ARMC2: variants seen among roughly 807,000 people sequenced by gnomAD.
The protein encoded by ARMC2 is armadillo repeat containing 2.
ARMC2 carries 67 observed loss-of-function variants against 90.3 expected under a neutral mutation model. The ratio of observed to expected loss-of-function variants is 0.74; its 90% CI spans 0.61 to 0.91. ARMC2 has a LOEUF of 0.91. Ranked by LOEUF, ARMC2 falls within the 40% of genes least tolerant of loss-of-function variation. ARMC2 has a pLI of 0.00. For missense variants in ARMC2, 920 were observed against 1,030.9 expected (o/e 0.89, Z 1.47); for synonymous variants, 393 against 393.0 (o/e 1.00, Z 0.00).
At chr6:108,964,088 C>A in intron 15 of ARMC2, 92 bp from the exon 16 acceptor site, 1 of 1,422,184 alleles carries the variant, frequency 7.0e-7, no homozygotes, top group Non-Finnish European at 9.6e-7. Flanking sequence ...GGTTTGCAAG[C>A]CACTCCCCGT....
chr6:108,926,447 G>T (rs1775107469), intron 10 of ARMC2, among the ~76,000 whole-genome samples: 1 of 152,222 alleles, frequency 6.6e-6, no homozygotes, highest in African/African-American at 2.4e-5. Context: ...ATTCCTGGCT[G>T]GGCGCAGTGG....
intron 11 of ARMC2, among the ~76,000 whole-genome samples, chr6:108,930,231 T>A (rs1019926697): frequency 6.6e-6 from 1 of 152,212 alleles, no homozygotes; most frequent in Non-Finnish European, 1.5e-5. Context: ...TATTTATTTA[T>A]GTATTTTAGC....
chr6:109,045,177 C>A, the ARMC2 span, among the ~76,000 whole-genome samples: 2 of 152,114 alleles, frequency 1.3e-5, no homozygotes, highest in Admixed American at 6.5e-5. Flanking sequence ...TCCTCTGACA[C>A]CCTTACTAAC....
At chr6:109,002,306 C>G in the ARMC2 span, 1 of 1,613,274 alleles carries the variant, frequency 6.2e-7, no homozygotes, top group African/African-American at 1.3e-5. Flanking sequence ...TCTGCTTGGT[C>G]CCTGTCCTAG....
intron 11 of ARMC2, among the ~76,000 whole-genome samples, chr6:108,930,126 TAAAA>T (rs548988083): frequency 1.4e-5 from 2 of 139,026 alleles, no homozygotes; most frequent in African/African-American, 2.6e-5. Flanking sequence ...AGACCCTATC[TAAAA>T]AAAAAAAAAA....
chr6:108,881,393 T>A (rs1245594312), intron 5 of ARMC2, among the ~76,000 whole-genome samples: 5 of 150,592 alleles, frequency 3.3e-5, no homozygotes, highest in African/African-American at 1.2e-4. Context: ...GAACATTGCA[T>A]TCATAAGAAT....
chr6:109,013,140 G>A, the ARMC2 span, among the ~76,000 whole-genome samples: 1 of 151,986 alleles, frequency 6.6e-6, no homozygotes, highest in Admixed American at 6.6e-5. Context: ...GGAGTGTTAA[G>A]CTTCATTAAA....
At chr6:108,886,956 A>G (rs2128449494) in intron 5 of ARMC2, among the ~76,000 whole-genome samples, 1 of 150,760 alleles carries the variant, frequency 6.6e-6, no homozygotes, top group Non-Finnish European at 1.5e-5. Context: ...GCTAGAGTGC[A>G]GTGGTGTGTG....
intron 13 of ARMC2, among the ~76,000 whole-genome samples, chr6:108,957,633 C>A (rs1404883492): frequency 6.6e-6 from 1 of 152,180 alleles, no homozygotes; most frequent in Non-Finnish European, 1.5e-5. Context: ...TCTTTTCTTC[C>A]TACCTCCCTC....
chr6:108,961,460 G>A (rs1179599780), intron 13 of ARMC2, 112 bp from the exon 14 acceptor site: 4 of 1,212,624 alleles, frequency 3.3e-6, no homozygotes, highest in Non-Finnish European at 4.5e-6. Flanking sequence ...GCCTTTGTAG[G>A]GACCCTGCGT....
At chr6:108,992,807 C>A in the ARMC2 span, 1 of 1,612,374 alleles carries the variant, frequency 6.2e-7, no homozygotes, top group Non-Finnish European at 8.5e-7. Context: ...AATGTTGGAA[C>A]ATGCATCCCA....
At chr6:108,886,927 G>T (rs1311122528) in intron 5 of ARMC2, among the ~76,000 whole-genome samples, 1 of 150,404 alleles carries the variant, frequency 6.6e-6, no homozygotes, top group Non-Finnish European at 1.5e-5. Context: ...TTGAGACAGA[G>T]CCTCACTCTG....
the ARMC2 span, among the ~76,000 whole-genome samples, chr6:108,989,615 CTATA>C: frequency 1.4e-5 from 2 of 141,578 alleles, no homozygotes; most frequent in Non-Finnish European, 3.1e-5. Flanking sequence ...AGATATCTCT[CTATA>C]TAGAGAAATT....
chr6:108,998,857 C>CA, the ARMC2 span: 1 of 1,322,922 alleles, frequency 7.6e-7, no homozygotes, highest in Non-Finnish European at 1.0e-6. Flanking sequence ...AGTCATCATA[C>CA]AAAGCCTAGC....
chr6:108,902,175 T>G (rs1772226171), intron 7 of ARMC2, among the ~76,000 whole-genome samples: 1 of 152,246 alleles, frequency 6.6e-6, no homozygotes, highest in East Asian at 1.9e-4. Context: ...CAATCAAACT[T>G]TTACCCACTA....
chr6:109,016,378 C>A, the ARMC2 span, among the ~76,000 whole-genome samples: 23 of 152,006 alleles, frequency 1.5e-4, no homozygotes, highest in Non-Finnish European at 3.1e-4. Flanking sequence ...TTCAAAGAAC[C>A]CCTACTCAGT....
chr6:108,970,494 C>CCTT (rs1236431843), intron 17 of ARMC2, among the ~76,000 whole-genome samples: 3 of 117,342 alleles, frequency 2.6e-5, no homozygotes, highest in Non-Finnish European at 5.3e-5. Context: ...CTTCTCTTTT[C>CCTT]TTTTTTTTTT....
chr6:109,031,562 C>A, the ARMC2 span, among the ~76,000 whole-genome samples: 3 of 152,152 alleles, frequency 2.0e-5, no homozygotes, highest in Non-Finnish European at 2.9e-5. Context: ...GTTGGAGAAC[C>A]CTTCCCTGAC....
the ARMC2 span, among the ~76,000 whole-genome samples, chr6:108,991,092 C>T: frequency 6.7e-6 from 1 of 149,188 alleles, no homozygotes; most frequent in African/African-American, 2.5e-5. Flanking sequence ...CAAAAAAAAA[C>T]TAATAGTCTC....
Sources: allele counts gnomAD v4.1 joint callset (sites outside exome capture counted in the v4.1 genomes callset), GRCh38; gene constraint gnomAD v4.1.1; transcripts MANE v1.5; gene names NCBI Gene and HGNC (gene_info 2026-07-23, HGNC 2026-07-21).